ALOX15B: variants seen among roughly 807,000 people sequenced by gnomAD.
ALOX15B encodes polyunsaturated fatty acid lipoxygenase ALOX15B.
In ALOX15B, 74 loss-of-function variants were observed where a neutral mutation model predicts 73.8. The ratio of observed to expected loss-of-function variants is 1.00; its 90% confidence interval spans 0.83 to 1.22. The LOEUF is 1.22. Among genes scored for constraint, ALOX15B ranks in the 50% most tolerant of loss-of-function variants. ALOX15B has a pLI of 0.00. For missense variants in ALOX15B, 896 were observed against 859.9 expected (o/e 1.04, Z -0.52); for synonymous variants, 353 against 357.2 (o/e 0.99, Z 0.13).
In ALOX15B at chr17:8,045,077, G is replaced by A; in HGVS notation, c.849+76G>A. On this transcript the variant is annotated intron_variant, in intron 6 of 13. Transcript: ENST00000380183. Reference sequence around the variant, plus strand: ...ACACCCGTCCCCTACTGGAGACAGAGGGGCACACTCACATTTGTTAGGGAC... The same window carrying A: ...ACACCCGTCCCCTACTGGAGACAGAAGGGCACACTCACATTTGTTAGGGAC... The A allele has an allele frequency of 1.9e-6, 3 of 1,593,998 alleles. No homozygotes were observed. The South Asian group carries it at 3.4e-5, about 18-fold the overall frequency.
chr17:8,048,641 G>C lies in ALOX15B; in HGVS notation c.*76G>C. The C allele has an allele frequency of 2.0e-6, 3 of 1,506,880 alleles. No homozygotes were observed. The highest frequency in any genetic ancestry group is 1.8e-6 in the Non-Finnish European group (2 of 1,123,224). The allele number at this position is 1,506,880 out of a possible 1,614,324, so 93.3% of individuals were successfully genotyped here. ...AGGATAACTGGCACCCAGAGAAAAG[G>C]ACTCCTCAGAAAAAACAGGCCCCCA... On this transcript the variant is annotated 3_prime_UTR_variant, in exon 14 of 14. Coordinates refer to ENST00000380183, the MANE Select transcript of ALOX15B (RefSeq NM_001141.3).
At position 8,039,304 on chromosome 17, in the gene ALOX15B, T is replaced by C; in HGVS notation, c.147+2T>C. 1 of 1,585,656 alleles carries C rather than the reference T, an allele frequency of 6.3e-7. No homozygotes were observed. The highest frequency in any genetic ancestry group is 1.2e-5 in the South Asian group (1 of 86,082). ...GGCAAGGAGTTCACTGCGGGCGCTG[T>C]GAGTGCGTGGGAGTGGATGGGGTGG... On this transcript the variant is annotated splice_donor_variant, in intron 1 of 13. Transcript: ENST00000380183. LOFTEE classifies it high-confidence loss of function.
chr17:8,043,052 T>A (rs1464807196), intron 5 of ALOX15B, among the ~76,000 whole-genome samples, 168 bp downstream of exon 5: 1 of 152,134 alleles, frequency 6.6e-6, no homozygotes, highest in Non-Finnish European at 1.5e-5. Context: ...ACGGAGGGGA[T>A]CCCTGACCTT....
rs369665408 is a variant in ALOX15B at position 8,048,437 on chromosome 17, C to T, written c.1903C>T (p.Arg635Trp). The change falls in exon 14 of 14, where the codon CGG becomes TGG. Residue 635 changes from arginine (R) to tryptophan (W), a missense_variant. Physicochemically the swap from Arg to Trp is moderately radical, Grantham distance 101 (BLOSUM62 -3). Coordinates refer to ENST00000380183, the MANE Select transcript of ALOX15B (RefSeq NM_001141.3). The part of the protein sequence containing the change: ...DEHFTEEAPR[R>W]SIATFQSRLA... ...GCACTTCACAGAGGAGGCCCCTCGGCGGAGCATCGCCACCTTCCAGAGCCG... is the reference window on the plus strand; with the variant it reads ...GCACTTCACAGAGGAGGCCCCTCGGTGGAGCATCGCCACCTTCCAGAGCCG... 2.5e-4 allele frequency: 405 copies of T among 1,614,046 alleles called. 4 individuals are homozygous for T. The South Asian group carries it at 3.9e-3, about 15-fold the overall frequency.
Position 8,046,893 on chromosome 17 carries a change from G to A in ALOX15B, c.1288-14G>A. 6.2e-7 allele frequency: 1 copy of A among 1,613,860 alleles called. No individual in the cohort carries two copies. Among genetic ancestry groups the A allele is most frequent in the Non-Finnish European group, 8.5e-7 (1 of 1,179,790 alleles). Reference sequence around the variant, plus strand: ...GGAGCAAGGTCTGTAGGACCCAAGAGTCCTGTCTCTCAGTCCACAGGCATC... The same window carrying A: ...GGAGCAAGGTCTGTAGGACCCAAGAATCCTGTCTCTCAGTCCACAGGCATC... On this transcript the variant is annotated splice_polypyrimidine_tract_variant and intron_variant, in intron 9 of 13. Coordinates refer to ENST00000380183, the MANE Select transcript of ALOX15B (RefSeq NM_001141.3).
chr17:8,040,637 A>AAGAAAGAAAGAAAGAAAG (rs1182228325), intron 3 of ALOX15B, among the ~76,000 whole-genome samples: 4 of 131,556 alleles, frequency 3.0e-5, no homozygotes, highest in Admixed American at 2.2e-4. Flanking sequence ...GAAAGAAAGA[A>AAGAAAGAAAGAAAGAAAG]AGAAAGAAAG....
intron 11 of ALOX15B, 63 bp downstream of exon 11, chr17:8,047,442 G>A (rs766892616): frequency 1.4e-5 from 23 of 1,601,882 alleles, no homozygotes; most frequent in Non-Finnish European, 1.8e-5. Context: ...CCCACCCCCT[G>A]CAGAGCACGC....
chr17:8,045,922 A>ATCT (rs1976596878), intron 8 of ALOX15B, among the ~76,000 whole-genome samples: 1 of 152,054 alleles, frequency 6.6e-6, no homozygotes, highest in Non-Finnish European at 1.5e-5. Context: ...AACAGCCGTC[A>ATCT]TAGAAGCCCA....
rs768727595 is a variant in ALOX15B, at chr17:8,040,015, T to A, written c.449+32T>A. ...AGGGGGTTACTGATGGGGGAGGGTG[T>A]GCCCAAACGATGAGGGGCAGCTTGA... On this transcript the variant is annotated intron_variant, in intron 3 of 13. Transcript: ENST00000380183. 2.5e-6 allele frequency: 4 copies of A among 1,601,564 alleles called. No homozygotes were observed. The Admixed American group carries it at 6.8e-5, about 27-fold the overall frequency.
chr17:8,046,140 G>A lies in ALOX15B; in HGVS notation c.1200+454G>A, dbSNP rs191359907. Among the ~76,000 whole-genome samples, 241 of 152,332 alleles carry A rather than the reference G, an allele frequency of 1.6e-3. 1 individual carries two copies. The highest frequency in any genetic ancestry group is 1.4e-3 in the Non-Finnish European group (95 of 68,014). ...CGAGGCATCTCCTCTGTGAAGGGCA[G>A]GATGGCCCCCTCCCAGGGTCCACCC... is the stretch of plus-strand genomic sequence containing the variant. On this transcript the variant is annotated intron_variant, in intron 8 of 13. Coordinates refer to ENST00000380183, the MANE Select transcript of ALOX15B (RefSeq NM_001141.3).
At chr17:8,043,068 G>A (rs1420907088) in intron 5 of ALOX15B, among the ~76,000 whole-genome samples, 184 bp downstream of exon 5, 4 of 152,064 alleles carry the variant, frequency 2.6e-5, no homozygotes, top group African/African-American at 4.8e-5. Flanking sequence ...ACCTTCTAAC[G>A]CCTTCTAATA....
rs573725507 is a variant in ALOX15B, at chr17:8,045,614, C to A, written c.1128C>A (p.His376Gln). 109 of 1,614,234 alleles carry A rather than the reference C, an allele frequency of 6.8e-5. 1 individual carries two copies. In the South Asian group the frequency reaches 1.1e-3, roughly 16 times the overall value. The change falls in exon 8 of 14, where the codon CAC becomes CAA. Residue 376 changes from histidine to glutamine, a missense_variant. His to Gln is a conservative substitution (Grantham distance 24, BLOSUM62 0). Transcript: ENST00000380183. ...SFHEALTHLLHSHLLPEVFTL... is the reference protein window; with the variant it reads ...SFHEALTHLLQSHLLPEVFTL... ...ATGAGGCCCTCACGCACCTGCTGCA[C>A]TCACATCTGCTGCCTGAGGTCTTCA...
chr17:8,040,628 A>AAAGAAAG (rs1555638475), intron 3 of ALOX15B, among the ~76,000 whole-genome samples: 1 of 130,032 alleles, frequency 7.7e-6, no homozygotes, highest in African/African-American at 2.6e-5. Flanking sequence ...AGAAAGAAAG[A>AAAGAAAG]AAGAAAGAAA....
intron 5 of ALOX15B, among the ~76,000 whole-genome samples, chr17:8,044,272 A>C (rs1328210165): frequency 1.3e-5 from 2 of 150,932 alleles, no homozygotes; most frequent in African/African-American, 4.9e-5. Flanking sequence ...AAAGACAAAA[A>C]TTAGCCAGGC....
At chr17:8,043,742 G>T (rs886974825) in intron 5 of ALOX15B, among the ~76,000 whole-genome samples, 1 of 152,074 alleles carries the variant, frequency 6.6e-6, no homozygotes, top group Non-Finnish European at 1.5e-5. Flanking sequence ...GAATCAATGG[G>T]ATTTGATATG....
chr17:8,048,448 C>A lies in ALOX15B; in HGVS notation c.1914C>A (p.Ala638=). The A allele has an allele frequency of 6.2e-7, 1 of 1,614,120 alleles. No individual in the cohort carries two copies. Among genetic ancestry groups the A allele is most frequent in the Non-Finnish European group, 8.5e-7 (1 of 1,180,034 alleles). The change falls in exon 14 of 14, where the codon GCC becomes GCA. Residue 638 remains alanine, a synonymous_variant. Transcript: ENST00000380183. ...FTEEAPRRSI[A]TFQSRLAQIS... is the part of the protein sequence containing the mutation. ...AGGAGGCCCCTCGGCGGAGCATCGCCACCTTCCAGAGCCGCCTGGCCCAGA... is the reference window on the plus strand; with the variant it reads ...AGGAGGCCCCTCGGCGGAGCATCGCAACCTTCCAGAGCCGCCTGGCCCAGA...
rs568399473 is a variant in ALOX15B, at chr17:8,042,491, C to A, written c.572C>A (p.Ala191Asp). The A allele has an allele frequency of 2.5e-6, 4 of 1,612,864 alleles. No individual in the cohort carries two copies. The highest frequency in any genetic ancestry group is 3.4e-6 in the Non-Finnish European group (4 of 1,179,708). The change falls in exon 4 of 14, where the codon GCT (alanine) becomes GAT (aspartate). Residue 191 changes from alanine (A) to aspartate (D), a missense_variant and splice_region_variant. Physicochemically the swap from Ala to Asp is moderately radical, Grantham distance 126. Transcript: ENST00000380183. Reference protein sequence around the residue: ...NANFYLQAGSAFAEMKIKGLL... With the variant: ...NANFYLQAGSDFAEMKIKGLL... ...AACTTTTATCTACAGGCTGGCTCTG[C>A]GTGAGGATGCCCACCCTTCCCTGCC...
intron 3 of ALOX15B, among the ~76,000 whole-genome samples, chr17:8,040,599 GAGAGAAAGAAAGAA>G (rs1976418184): frequency 8.8e-6 from 1 of 113,880 alleles, no homozygotes; most frequent in African/African-American, 3.5e-5. Context: ...GAAAGAAAGA[GAGAGAAAGAAAGAA>G]AGAAAGAAAG....
At chr17:8,042,628 C>T (rs1165781703) in intron 4 of ALOX15B, 137 bp downstream of exon 4, 1 of 1,388,004 alleles carries the variant, frequency 7.2e-7, no homozygotes, top group Non-Finnish European at 9.9e-7. Flanking sequence ...CTCCTTCCCA[C>T]TACCAATCCC....
Sources: allele counts gnomAD v4.1 joint callset (sites outside exome capture counted in the v4.1 genomes callset), GRCh38; gene constraint gnomAD v4.1.1; transcripts MANE v1.5; gene names NCBI Gene and HGNC (gene_info 2026-07-23, HGNC 2026-07-21).